LDHAL6A: variants seen among roughly 807,000 people sequenced by gnomAD.
LDHAL6A encodes the protein L-lactate dehydrogenase A-like 6A.
In LDHAL6A, 19 loss-of-function variants were observed where a neutral mutation model predicts 28.2. The ratio of observed to expected loss-of-function variants is 0.67; its 90% CI spans 0.47 to 0.99. The LOEUF (loss-of-function observed/expected upper bound fraction) is 0.99. LDHAL6A is among the 50% of genes least tolerant of loss of function. The probability of loss-of-function intolerance (pLI) is 0.00; values close to 1 mark genes in which losing one functional copy is unlikely to be tolerated. For synonymous variants in LDHAL6A, 144 were observed against 134.4 expected (o/e 1.07, Z -0.49); for missense variants, 372 against 398.6 (o/e 0.93, Z 0.57).
intron 3 of LDHAL6A, among the ~76,000 whole-genome samples, chr11:18,466,137 C>G (rs1364619784): frequency 6.6e-6 from 1 of 152,136 alleles, no homozygotes; most frequent in East Asian, 1.9e-4. Context: ...CATGTTGCTG[C>G]AAAGGACATG....
chr11:18,478,060 AGTT>A (rs1263819203), intron 6 of LDHAL6A, among the ~76,000 whole-genome samples: 4 of 152,198 alleles, frequency 2.6e-5, no homozygotes, highest in Non-Finnish European at 4.4e-5. Context: ...GTACCTTTGG[AGTT>A]GTTCTCTTAC....
At chr11:18,467,143 AT>A (rs1285981768) in intron 3 of LDHAL6A, among the ~76,000 whole-genome samples, 2 of 152,220 alleles carry the variant, frequency 1.3e-5, no homozygotes, top group African/African-American at 4.8e-5. Flanking sequence ...GGATATTCAA[AT>A]TACTGTATTC....
rs375445135 is a variant in LDHAL6A, at chr11:18,476,401, G to A, written c.610G>A (p.Val204Met). ...GDSSVPVWSG[V>M]NIAGVPLKDL... Reference sequence around the variant, plus strand: ...TTTCTTAGTTCCTGTGTGGAGTGGTGTGAACATTGCTGGCGTCCCTCTGAA... The same window carrying A: ...TTTCTTAGTTCCTGTGTGGAGTGGTATGAACATTGCTGGCGTCCCTCTGAA... Residue 204 changes from valine to methionine, a missense_variant, in exon 5 of 7, where the codon GTG becomes ATG. Coordinates refer to ENST00000280706, the MANE Select transcript of LDHAL6A (RefSeq NM_144972.5). 8 of 1,613,878 alleles carry A rather than the reference G, an allele frequency of 5.0e-6. No homozygotes were observed. The African/African-American group carries it at 8.0e-5, about 16-fold the overall frequency.
At position 18,479,026 on chromosome 11, in the gene LDHAL6A, T is replaced by C. The variant is rs1466892997; in HGVS notation, c.*156T>C. ...GCCTTCCAGCTTTTTTTTTTTTCTT[T>C]TTTGGGAGGGTCTCATTCTGTCACC... On this transcript the variant is annotated 3_prime_UTR_variant, in exon 7 of 7. Transcript: ENST00000280706. 1 of 612,888 alleles carries C rather than the reference T, an allele frequency of 1.6e-6. No individual in the cohort carries two copies. Among genetic ancestry groups the C allele is most frequent in the East Asian group, 3.1e-5 (1 of 32,112 alleles). The allele number at this position is 612,888 out of a possible 1,614,324, so 38.0% of individuals were successfully genotyped here. A position where few individuals can be genotyped will look rare whatever the true frequency, so the allele number is the denominator to read the frequency against.
chr11:18,462,373 C>T (rs1291590288), intron 1 of LDHAL6A, among the ~76,000 whole-genome samples: 1 of 151,948 alleles, frequency 6.6e-6, no homozygotes, highest in Non-Finnish European at 1.5e-5. Context: ...TGCGGTGTCT[C>T]ATGCCTGTAA....
chr11:18,467,926 CAT>C (rs1292809923), intron 3 of LDHAL6A, among the ~76,000 whole-genome samples: 15 of 55,454 alleles, frequency 2.7e-4, no homozygotes, highest in East Asian at 7.5e-4. Context: ...TATACACACA[CAT>C]ATATATATAC....
At chr11:18,469,447 A>ACT (rs1327685689) in intron 3 of LDHAL6A, among the ~76,000 whole-genome samples, 7 of 152,246 alleles carry the variant, frequency 4.6e-5, no homozygotes, top group Non-Finnish European at 8.8e-5. Context: ...TTCTCTATGC[A>ACT]TTATGGCAGA....
intron 3 of LDHAL6A, among the ~76,000 whole-genome samples, 156 bp downstream of exon 3, chr11:18,465,966 C>T (rs189370948): frequency 6.6e-6 from 1 of 152,184 alleles, no homozygotes; most frequent in Non-Finnish European, 1.5e-5. Flanking sequence ...TCAGCCCTTG[C>T]TGCTCTCACT....
chr11:18,456,664 A>C lies in LDHAL6A; in HGVS notation c.-17A>C. The C allele has an allele frequency of 6.2e-7, 1 of 1,612,624 alleles. No homozygotes were observed. The highest frequency in any genetic ancestry group is 8.5e-7 in the Non-Finnish European group (1 of 1,179,496). ...GGAAATGGCTGTGCAATTTGTCTTC[A>C]CTGTTAGGTTTCCAAGATGGCAACT... On this transcript the variant is annotated 5_prime_UTR_variant, in exon 1 of 7. Coordinates refer to ENST00000280706, the MANE Select transcript of LDHAL6A (RefSeq NM_144972.5).
chr11:18,469,569 T>C (rs1849208222), intron 3 of LDHAL6A, among the ~76,000 whole-genome samples: 1 of 152,154 alleles, frequency 6.6e-6, no homozygotes, highest in South Asian at 2.1e-4. Context: ...GCAGTAAAAA[T>C]AAGGAAAAAT....
chr11:18,467,445 A>AT (rs1241433664), intron 3 of LDHAL6A, among the ~76,000 whole-genome samples: 1 of 151,966 alleles, frequency 6.6e-6, no homozygotes, highest in Admixed American at 6.6e-5. Context: ...ATCTTCTTTC[A>AT]TTTTTAACTT....
chr11:18,470,350 C>A (rs190457720), intron 3 of LDHAL6A, among the ~76,000 whole-genome samples: 1 of 152,152 alleles, frequency 6.6e-6, no homozygotes, highest in Non-Finnish European at 1.5e-5. Flanking sequence ...ATGCAGCTCC[C>A]GTGTCTCCAC....
In LDHAL6A at chr11:18,457,890, C is replaced by T. The variant is rs112194672; in HGVS notation, c.126+1084C>T. 8.5e-3 allele frequency among the ~76,000 whole-genome samples: 1,293 copies of T among 151,950 alleles called. 7 individuals carry two copies. Among genetic ancestry groups the T allele is most frequent in the Non-Finnish European group, 0.014 (924 of 67,970 alleles). On this transcript the variant is annotated intron_variant, in intron 1 of 6. Transcript: ENST00000280706. The stretch of plus-strand genomic sequence containing the variant: ...TAACAGTATGTTTGTATGCATTATC[C>T]AATATTACAACCCTGGAAAGTAAAT...
At chr11:18,478,432 T>C (rs142706782) in intron 6 of LDHAL6A, among the ~76,000 whole-genome samples, 2,760 of 152,158 alleles carry the variant, frequency 0.018, 74 homozygotes, top group African/African-American at 0.063. Context: ...TGGTGGTGTG[T>C]GCCTGTAGTC....
intron 3 of LDHAL6A, among the ~76,000 whole-genome samples, chr11:18,467,193 CAGTG>C (rs1415533641): frequency 6.6e-6 from 1 of 152,168 alleles, no homozygotes; most frequent in African/African-American, 2.4e-5. Context: ...TGCAGACCAA[CAGTG>C]AGTGCATGAT....
Position 18,467,880 on chromosome 11 carries a change from CATATATATAT to C in LDHAL6A, c.418+2100_418+2109del, listed in dbSNP as rs1161164040. ...CAAAAAAAATATATATATATACACA[CATATATATAT>C]ATATATATATATATATATATATATA... On this transcript the variant is annotated intron_variant, in intron 3 of 6. Coordinates refer to ENST00000280706, the MANE Select transcript of LDHAL6A (RefSeq NM_144972.5). Among the ~76,000 whole-genome samples, 32 of 44,442 alleles carry C rather than the reference CATATATATAT, an allele frequency of 7.2e-4. 2 individuals are homozygous for C. The highest frequency in any genetic ancestry group is 1.7e-3 in the South Asian group (2 of 1,188). The allele number at this position is 44,442 out of a possible 152,430, so 29.2% of individuals were successfully genotyped here.
rs1297065779 is a variant in LDHAL6A at position 18,467,910 on chromosome 11, TATATATATAC to T, written c.418+2102_418+2111del. Among the ~76,000 whole-genome samples, 172 of 71,540 alleles carry T rather than the reference TATATATATAC, an allele frequency of 2.4e-3. 11 individuals carry two copies. Among genetic ancestry groups the T allele is most frequent in the African/African-American group, 6.6e-3 (95 of 14,434 alleles). The allele number at this position is 71,540 out of a possible 152,430, so 46.9% of individuals were successfully genotyped here. On this transcript the variant is annotated intron_variant, in intron 3 of 6. Transcript: ENST00000280706. ...ATATATATATATATATATATATATA[TATATATATAC>T]ACACACATATATATATACACACACA...
Position 18,456,206 on chromosome 11 carries a change from C to T in LDHAL6A, c.-475C>T, listed in dbSNP as rs902558536. On this transcript the variant is annotated 5_prime_UTR_variant, in exon 1 of 7. Transcript: ENST00000280706. ...CCAGGCGGCATGTGACCTGCTCGGG[C>T]GCGGGTGGCCCTTCACCCCTGTGAG... 2 of 163,818 alleles carry T rather than the reference C, an allele frequency of 1.2e-5. No individual in the cohort carries two copies. The highest frequency in any genetic ancestry group is 1.7e-4 in the South Asian group (1 of 5,976). The allele number at this position is 163,818 out of a possible 1,614,324, so 10.1% of individuals were successfully genotyped here. A position where few individuals can be genotyped will look rare whatever the true frequency, so the allele number is the denominator to read the frequency against.
intron 3 of LDHAL6A, among the ~76,000 whole-genome samples, chr11:18,466,346 A>G (rs1849073797): frequency 6.6e-6 from 1 of 152,072 alleles, no homozygotes; most frequent in African/African-American, 2.4e-5. Context: ...ATATACTATA[A>G]TGACTTTAAA....
Sources: allele counts gnomAD v4.1 joint callset (sites outside exome capture counted in the v4.1 genomes callset), GRCh38; gene constraint gnomAD v4.1.1; transcripts MANE v1.5; gene names NCBI Gene and HGNC (gene_info 2026-07-23, HGNC 2026-07-21).